Variants in GRIK4 observed in about 807,000 individuals in gnomAD.
GRIK4 encodes the protein glutamate ionotropic receptor kainate type subunit 4, also known as glutamate receptor ionotropic, kainate 4.
GRIK4 carries 40 observed loss-of-function variants against 104.9 expected under a neutral mutation model. The observed-to-expected ratio is 0.38, with a 90% CI of 0.30 to 0.50. GRIK4 has a LOEUF of 0.50. Among genes scored for constraint, GRIK4 ranks in the 20% least tolerant of loss-of-function variants. The pLI, the probability that GRIK4 is intolerant of heterozygous loss-of-function variation, is 0.93. For synonymous variants in GRIK4, 485 were observed against 524.9 expected (o/e 0.92, Z 1.04); for missense variants, 1,047 against 1,308.1 (o/e 0.80, Z 3.08).
chr11:120,867,891 C>T (rs937337389), intron 9 of GRIK4: 1 of 152,162 alleles, frequency 6.6e-6, no homozygotes, highest in African/African-American at 2.4e-5. Context: ...ATTAAAATTA[C>T]AGATGGCTAG....
chr11:120,888,909 CT>C (rs758499681), intron 11 of GRIK4, among the ~76,000 whole-genome samples: 3 of 152,218 alleles, frequency 2.0e-5, no homozygotes, highest in Non-Finnish European at 4.4e-5. Context: ...CTTGGACCAA[CT>C]GAGTTGCAGG....
rs766174982 is a variant in GRIK4, at chr11:120,861,966, C to T, written c.752C>T (p.Ser251Leu). 6.2e-7 allele frequency: 1 copy of T among 1,612,204 alleles called. No homozygotes were observed. Among genetic ancestry groups the T allele is most frequent in the Non-Finnish European group, 8.5e-7 (1 of 1,178,288 alleles). ...YTYIFTNLEF[S>L]LQRMDSLVDD... ...GATGCTGGGTCTTTCCAGGAGTTCT[C>T]ACTCCAGAGAATGGACAGCCTTGTG... Residue 251 changes from serine to leucine, a missense_variant, in exon 9 of 21, where the codon TCA becomes TTA. Coordinates refer to ENST00000527524, the MANE Select transcript of GRIK4 (RefSeq NM_014619.5).
intron 9 of GRIK4, chr11:120,871,517 A>G (rs1954609314): frequency 2.3e-6 from 1 of 432,828 alleles, no homozygotes; most frequent in Non-Finnish European, 4.7e-6. Flanking sequence ...TAGCTCAGCA[A>G]GACTGCAGAG....
intron 14 of GRIK4, among the ~76,000 whole-genome samples, chr11:120,951,278 A>G (rs1943994712): frequency 6.6e-6 from 1 of 152,224 alleles, no homozygotes; most frequent in African/African-American, 2.4e-5. Context: ...GGCTATGCAA[A>G]TACAACAGGA....
intron 11 of GRIK4, among the ~76,000 whole-genome samples, chr11:120,890,515 A>G (rs115827740): frequency 0.01 from 1,533 of 152,306 alleles, 26 homozygotes; most frequent in African/African-American, 0.034. Context: ...GACAAGATAC[A>G]CCTGTCCTAA....
intron 11 of GRIK4, among the ~76,000 whole-genome samples, chr11:120,884,564 C>T (rs909318377): frequency 6.6e-6 from 1 of 152,214 alleles, no homozygotes; most frequent in Non-Finnish European, 1.5e-5. Flanking sequence ...CTGCCTCTCT[C>T]CTTCCTCCAC....
At chr11:120,820,770 C>T (rs1953102616) in intron 6 of GRIK4, among the ~76,000 whole-genome samples, 1 of 152,218 alleles carries the variant, frequency 6.6e-6, no homozygotes. Context: ...CAGAACTGCT[C>T]TGCCTTCTCA....
intron 1 of GRIK4, among the ~76,000 whole-genome samples, chr11:120,519,553 A>C (rs181532539): frequency 2.6e-5 from 4 of 152,302 alleles, no homozygotes; most frequent in East Asian, 1.9e-4. Context: ...ACAAACTTCT[A>C]TTGTTTACCA....
At chr11:120,762,702 G>A (rs1951771025) in intron 3 of GRIK4, among the ~76,000 whole-genome samples, 1 of 152,142 alleles carries the variant, frequency 6.6e-6, no homozygotes, top group South Asian at 2.1e-4. Flanking sequence ...TAATCATGTG[G>A]TTTTTGTCAT....
chr11:120,614,766 A>G (rs1219969602), intron 1 of GRIK4, among the ~76,000 whole-genome samples: 1 of 152,164 alleles, frequency 6.6e-6, no homozygotes, highest in African/African-American at 2.4e-5. Flanking sequence ...TTGGGAGGCC[A>G]AGGCGGGTGG....
chr11:120,636,839 CA>C (rs151087499), intron 1 of GRIK4, among the ~76,000 whole-genome samples: 3 of 148,400 alleles, frequency 2.0e-5, no homozygotes, highest in Non-Finnish European at 1.5e-5. Flanking sequence ...GACTCCGTCT[CA>C]AAAAAAAAAG....
intron 3 of GRIK4, among the ~76,000 whole-genome samples, chr11:120,755,172 G>T (rs537677428): frequency 6.6e-6 from 1 of 152,188 alleles, no homozygotes; most frequent in Non-Finnish European, 1.5e-5. Context: ...GGCCCTGGGG[G>T]TAGAGAGGTG....
At chr11:120,789,162 C>T (rs928993162) in intron 3 of GRIK4, among the ~76,000 whole-genome samples, 47 of 152,244 alleles carry the variant, frequency 3.1e-4, no homozygotes, top group African/African-American at 9.2e-4. Flanking sequence ...CCCGGGTCTC[C>T]GTGTCTCCAG....
At chr11:120,576,302 T>C (rs1948483093) in intron 1 of GRIK4, 1 of 152,242 alleles carries the variant, frequency 6.6e-6, no homozygotes, top group Non-Finnish European at 1.5e-5. Context: ...GGATTCCTCA[T>C]AGTTGACATC....
At chr11:120,818,773 C>A (rs1953027440) in intron 5 of GRIK4, among the ~76,000 whole-genome samples, 1 of 152,210 alleles carries the variant, frequency 6.6e-6, no homozygotes, top group African/African-American at 2.4e-5. Flanking sequence ...ATAATCCATT[C>A]TGGAAGCCAA....
chr11:120,612,209 C>T (rs1949046074), intron 1 of GRIK4, among the ~76,000 whole-genome samples: 1 of 152,262 alleles, frequency 6.6e-6, no homozygotes, highest in African/African-American at 2.4e-5. Context: ...CTCGTCCGCC[C>T]GTGAACCACC....
intron 14 of GRIK4, among the ~76,000 whole-genome samples, chr11:120,950,088 A>G (rs1441474724): frequency 6.6e-6 from 1 of 152,238 alleles, no homozygotes; most frequent in African/African-American, 2.4e-5. Context: ...GTAGGCATTC[A>G]GAATCTTGCA....
At chr11:120,801,055 C>A (rs1235005617) in intron 3 of GRIK4, among the ~76,000 whole-genome samples, 1 of 152,180 alleles carries the variant, frequency 6.6e-6, no homozygotes, top group Non-Finnish European at 1.5e-5. Context: ...CATTTCATCA[C>A]CCCCAAAAAG....
At chr11:120,681,863 G>A (rs1325527003) in intron 3 of GRIK4, among the ~76,000 whole-genome samples, 1 of 152,210 alleles carries the variant, frequency 6.6e-6, no homozygotes, top group Non-Finnish European at 1.5e-5. Flanking sequence ...AGCAGGGGCA[G>A]GGCCATCTCA....
Sources: allele counts gnomAD v4.1 joint callset (sites outside exome capture counted in the v4.1 genomes callset), GRCh38; gene constraint gnomAD v4.1.1; transcripts MANE v1.5; gene names NCBI Gene and HGNC (gene_info 2026-07-23, HGNC 2026-07-21).